The following SIM1 variants were observed in gnomAD, a reference collection of about 807,000 sequenced individuals.
The protein encoded by SIM1 is SIM bHLH transcription factor 1.
In SIM1, 18 loss-of-function variants were observed where a neutral mutation model predicts 78.2. The observed-to-expected ratio is 0.23, with a 90% CI of 0.16 to 0.34. SIM1 has a LOEUF of 0.34. Among genes scored for constraint, SIM1 ranks in the 10% least tolerant of loss-of-function variants. SIM1 has a pLI of 1.00. For synonymous variants in SIM1, 417 were observed against 385.2 expected (o/e 1.08, Z -0.97); for missense variants, 939 against 975.1 (o/e 0.96, Z 0.49).
chr6:100,411,708 T>G (rs1771195356), intron 10 of SIM1, among the ~76,000 whole-genome samples: 1 of 152,118 alleles, frequency 6.6e-6, no homozygotes, highest in Non-Finnish European at 1.5e-5. Context: ...GTCATTACTT[T>G]CAAAGAGATT....
intron 10 of SIM1, among the ~76,000 whole-genome samples, chr6:100,394,651 C>A (rs780968840): frequency 6.6e-6 from 1 of 152,106 alleles, no homozygotes; most frequent in Admixed American, 6.5e-5. Flanking sequence ...GCAATTCTCC[C>A]GCCTCAGCCT....
At chr6:100,411,697 C>T (rs4145403) in intron 10 of SIM1, among the ~76,000 whole-genome samples, 45,079 of 151,798 alleles carry the variant, frequency 0.3, 6,888 homozygotes, top group East Asian at 0.57. Flanking sequence ...GAAAAAGACA[C>T]GTCATTACTT....
In SIM1 at chr6:100,385,779, G is replaced by A. The variant is rs1770504818; in HGVS notation, c.*4582C>T. The A allele has an allele frequency of 2.0e-5, 3 of 151,710 alleles. No homozygotes were observed. The highest frequency in any genetic ancestry group is 3.2e-3 in the Middle Eastern group (1 of 316). The allele number at this position is 151,710 out of a possible 1,614,324, so 9.4% of individuals were successfully genotyped here. A position where few individuals can be genotyped will look rare whatever the true frequency, so the allele number is the denominator to read the frequency against. On this transcript the variant is annotated 3_prime_UTR_variant, in exon 12 of 12. Transcript: ENST00000369208. Reference sequence around the variant, plus strand: ...CATATTTTTCTGTGTGCGTATGTGTGTGTGTATGCTTTCTGCATACAGTCC... The same window carrying A: ...CATATTTTTCTGTGTGCGTATGTGTATGTGTATGCTTTCTGCATACAGTCC...
rs556320769 is a variant in SIM1, at chr6:100,444,700, A to G, written c.998+2568T>C. 1.3e-4 allele frequency among the ~76,000 whole-genome samples: 20 copies of G among 152,288 alleles called. No homozygotes were observed. In the East Asian group the frequency reaches 3.1e-3, roughly 23 times the overall value. On this transcript the variant is annotated intron_variant, in intron 9 of 11. Transcript: ENST00000369208. Reference sequence around the variant, plus strand: ...CCTGTTGCAACTGCTTATTAAAACAAGGTTGCTAAATAATTCATTGTTGCT... The same window carrying G: ...CCTGTTGCAACTGCTTATTAAAACAGGGTTGCTAAATAATTCATTGTTGCT...
chr6:100,407,530 C>T (rs201183381), intron 10 of SIM1, among the ~76,000 whole-genome samples: 1 of 151,960 alleles, frequency 6.6e-6, no homozygotes, highest in African/African-American at 2.4e-5. Context: ...ACTTTCATAC[C>T]ATTTTACATA....
intron 10 of SIM1, among the ~76,000 whole-genome samples, chr6:100,419,046 A>C (rs937115543): frequency 6.6e-6 from 1 of 151,978 alleles, no homozygotes; most frequent in African/African-American, 2.4e-5. Flanking sequence ...AGTGCCTGTA[A>C]TCCCAGCTAC....
chr6:100,459,269 A>AT (rs540249131), intron 2 of SIM1, among the ~76,000 whole-genome samples: 38 of 152,100 alleles, frequency 2.5e-4, no homozygotes, highest in African/African-American at 5.1e-4. Context: ...AGAAAAAAGT[A>AT]TTTTTTTTAT....
In SIM1 at chr6:100,448,585, C is replaced by T. The variant is rs914427483; in HGVS notation, c.637G>A (p.Val213Met). 6.2e-7 allele frequency: 1 copy of T among 1,613,964 alleles called. No individual in the cohort carries two copies. Among genetic ancestry groups the T allele is most frequent in the African/African-American group, 1.3e-5 (1 of 74,922 alleles). Residue 213 changes from valine to methionine, a missense_variant, in exon 7 of 12, where the codon GTG becomes ATG. By Grantham distance (21) the Val-to-Met change is conservative. Coordinates refer to ENST00000369208, the MANE Select transcript of SIM1 (RefSeq NM_005068.3). ...GCYQNVGLVAVGHSLPPSAVT... is the reference protein window; with the variant it reads ...GCYQNVGLVAMGHSLPPSAVT... ...GCGCTGGGAGGCAGCGAGTGGCCCACGGCCACCAGGCCCACGTTTTGGTAG... is the reference window on the plus strand; with the variant it reads ...GCGCTGGGAGGCAGCGAGTGGCCCATGGCCACCAGGCCCACGTTTTGGTAG...
chr6:100,429,781 A>G (rs1251537512), intron 9 of SIM1, among the ~76,000 whole-genome samples: 3 of 152,162 alleles, frequency 2.0e-5, no homozygotes, highest in African/African-American at 7.2e-5. Flanking sequence ...ATGTACTTTC[A>G]TTTCATATTA....
rs1030280228 is a variant in SIM1 at position 100,460,875 on chromosome 6, C to A, written c.175+2419G>T. ...TTTTGGGTTTTTGAAGCTTGTCCAC[C>A]GTCAAAAATTAAAAACTCATCCCTA... On this transcript the variant is annotated intron_variant, in intron 2 of 11. Coordinates refer to ENST00000369208, the MANE Select transcript of SIM1 (RefSeq NM_005068.3). Among the ~76,000 whole-genome samples the A allele has an allele frequency of 4.6e-5, 7 of 152,142 alleles. No homozygotes were observed. The East Asian group carries it at 1.2e-3, about 25-fold the overall frequency.
At chr6:100,435,608 G>A (rs568442935) in intron 9 of SIM1, among the ~76,000 whole-genome samples, 3 of 152,080 alleles carry the variant, frequency 2.0e-5, no homozygotes, top group Non-Finnish European at 4.4e-5. Context: ...GTCTCTCCCA[G>A]ACAGAGGAAC....
chr6:100,436,472 C>G (rs982653842), intron 9 of SIM1, among the ~76,000 whole-genome samples: 2 of 152,184 alleles, frequency 1.3e-5, no homozygotes, highest in African/African-American at 4.8e-5. Context: ...CTCATGCTTT[C>G]CCTCCATTGG....
intron 10 of SIM1, among the ~76,000 whole-genome samples, chr6:100,420,403 T>C (rs1012830067): frequency 5.3e-5 from 8 of 152,184 alleles, no homozygotes; most frequent in Non-Finnish European, 1.2e-4. Context: ...TTAATTTTCT[T>C]CTTCTTTAGT....
At chr6:100,421,016 T>C in intron 9 of SIM1, 58 bp from the exon 10 acceptor site, 2 of 1,542,654 alleles carry the variant, frequency 1.3e-6, no homozygotes, top group Non-Finnish European at 1.8e-6. Flanking sequence ...GATTCATGCA[T>C]ACTCTCATCA....
chr6:100,412,463 G>GA (rs1554220818), intron 10 of SIM1, among the ~76,000 whole-genome samples: 3 of 150,990 alleles, frequency 2.0e-5, no homozygotes, highest in Non-Finnish European at 4.4e-5. Context: ...CTTGAACCCA[G>GA]GAGGCAGAGT....
At chr6:100,426,383 G>A (rs1771731183) in intron 9 of SIM1, among the ~76,000 whole-genome samples, 1 of 152,134 alleles carries the variant, frequency 6.6e-6, no homozygotes, top group Non-Finnish European at 1.5e-5. Context: ...TTCCAATAGA[G>A]AAAATGGGGC....
rs111537779 is a variant in SIM1, at chr6:100,398,951, GTGTGTGTGTA to G, written c.1168-5072_1168-5063del. On this transcript the variant is annotated intron_variant, in intron 10 of 11. Transcript: ENST00000369208. ...CTTGTTATTGTGTGTGTGTGTGTGTGTGTGTGTGTATGTGTAGTAGTAGTAGTAGTAGCCA... is the reference window on the plus strand; with the variant it reads ...CTTGTTATTGTGTGTGTGTGTGTGTGTGTGTAGTAGTAGTAGTAGTAGCCA... Among the ~76,000 whole-genome samples, 1,114 of 142,646 alleles carry G rather than the reference GTGTGTGTGTA, an allele frequency of 7.8e-3. 9 individuals carry two copies. The highest frequency in any genetic ancestry group is 0.041 in the East Asian group (143 of 3,446). The allele number at this position is 142,646 out of a possible 152,430, so 93.6% of individuals were successfully genotyped here. A position where few individuals can be genotyped will look rare whatever the true frequency, so the allele number is the denominator to read the frequency against.
chr6:100,397,311 T>C (rs1271146978), intron 10 of SIM1, among the ~76,000 whole-genome samples: 1 of 152,170 alleles, frequency 6.6e-6, no homozygotes, highest in Non-Finnish European at 1.5e-5. Flanking sequence ...ATAAGGTCAT[T>C]AAGAAGCACA....
intron 10 of SIM1, among the ~76,000 whole-genome samples, chr6:100,414,740 A>T (rs1477710970): frequency 1.3e-5 from 2 of 152,242 alleles, no homozygotes; most frequent in African/African-American, 4.8e-5. Context: ...GTATAAAGGG[A>T]TAACTATGCT....
Sources: gnomAD v4.1 joint callset for allele counts (sites outside exome capture counted in the v4.1 genomes callset) on GRCh38, gnomAD v4.1.1 for gene constraint, MANE v1.5 for transcripts, NCBI Gene and HGNC (gene_info 2026-07-23, HGNC 2026-07-21) for gene names.